ADAMTS20: variants seen among roughly 807,000 people sequenced by gnomAD.
ADAMTS20 encodes the protein A disintegrin and metalloproteinase with thrombospondin motifs 20.
In ADAMTS20, 225 loss-of-function variants were observed where a neutral mutation model predicts 260.1. The ratio of observed to expected loss-of-function variants is 0.87; its 90% CI spans 0.78 to 0.97. ADAMTS20 has a LOEUF of 0.97. Ranked by LOEUF, ADAMTS20 falls within the 50% of genes least tolerant of loss-of-function variation. The pLI, the probability that ADAMTS20 is intolerant of heterozygous loss-of-function variation, is 0.00. For missense variants in ADAMTS20, 2,400 were observed against 2,337.7 expected, an observed-to-expected ratio of 1.03 and a Z score of -0.55; for synonymous variants, 802 against 769.5, an observed-to-expected ratio of 1.04 and a Z score of -0.70.
At position 43,375,383 on chromosome 12, in the gene ADAMTS20, A is replaced by T. The variant is rs749597548; in HGVS notation, c.5442T>A (p.Ile1814=). The change falls in exon 36 of 39, where the codon ATT becomes ATA. Residue 1814 remains isoleucine, a synonymous_variant. Coordinates refer to ENST00000389420, the MANE Select transcript of ADAMTS20 (RefSeq NM_025003.5). ...AAATATAGATTGAGCACTTACTTTT[A>T]ATTTGCATGGAAGTGAGATCAATTC... is the stretch of plus-strand genomic sequence containing the variant. ...KIRIDLTSMQ[I]KTTDLLFSKT... 1 of 1,611,146 alleles carries T rather than the reference A, an allele frequency of 6.2e-7. No individual in the cohort carries two copies. Among genetic ancestry groups the T allele is most frequent in the Non-Finnish European group, 8.5e-7 (1 of 1,179,256 alleles).
chr12:43,440,383 A>T (rs894175478), intron 16 of ADAMTS20, among the ~76,000 whole-genome samples: 11 of 152,162 alleles, frequency 7.2e-5, no homozygotes, highest in Admixed American at 7.2e-4. Context: ...TCCTGACCTC[A>T]GGCAATCTGC....
chr12:43,487,333 T>C (rs1942537977), intron 7 of ADAMTS20, among the ~76,000 whole-genome samples: 1 of 151,388 alleles, frequency 6.6e-6, no homozygotes, highest in East Asian at 2.0e-4. Context: ...AACCAAATAC[T>C]GCATGTTCTC....
chr12:43,400,199 T>C (rs1019869794), intron 28 of ADAMTS20, among the ~76,000 whole-genome samples: 2 of 152,036 alleles, frequency 1.3e-5, no homozygotes, highest in African/African-American at 2.4e-5. Context: ...GCATGATATA[T>C]GTACCAGGGG....
At chr12:43,402,023 T>C (rs985373344) in intron 28 of ADAMTS20, among the ~76,000 whole-genome samples, 1 of 151,970 alleles carries the variant, frequency 6.6e-6, no homozygotes, top group African/African-American at 2.4e-5. Context: ...TTCAATCCCA[T>C]GTCTAGGGTA....
At chr12:43,472,748 T>G (rs1443150493) in intron 7 of ADAMTS20, among the ~76,000 whole-genome samples, 1 of 149,334 alleles carries the variant, frequency 6.7e-6, no homozygotes, top group African/African-American at 2.5e-5. Context: ...GCTTCATAAG[T>G]GAAGGAGAAA....
intron 11 of ADAMTS20, among the ~76,000 whole-genome samples, chr12:43,459,099 C>T (rs554436139): frequency 6.6e-6 from 1 of 152,294 alleles, no homozygotes; most frequent in South Asian, 2.1e-4. Context: ...TGTTTTCACT[C>T]TATTAAATCT....
intron 3 of ADAMTS20, among the ~76,000 whole-genome samples, chr12:43,518,602 A>G (rs775960388): frequency 4.6e-5 from 7 of 151,932 alleles, no homozygotes; most frequent in Non-Finnish European, 7.4e-5. Flanking sequence ...AATCATTGGT[A>G]TTCTGATTCC....
intron 37 of ADAMTS20, among the ~76,000 whole-genome samples, chr12:43,364,395 A>G (rs1017614682): frequency 6.6e-6 from 1 of 152,184 alleles, no homozygotes; most frequent in African/African-American, 2.4e-5. Flanking sequence ...ATGTCAGACT[A>G]AGCTGACAAA....
At chr12:43,429,563 T>C (rs1941399427) in intron 24 of ADAMTS20, 54 bp downstream of exon 24, 1 of 1,241,776 alleles carries the variant, frequency 8.1e-7, no homozygotes. Flanking sequence ...ATTTTGTTGA[T>C]GTCTAAAAGC....
chr12:43,522,832 C>T (rs1943090516), intron 3 of ADAMTS20, among the ~76,000 whole-genome samples: 1 of 152,138 alleles, frequency 6.6e-6, no homozygotes, highest in South Asian at 2.1e-4. Context: ...AGCCTGACAT[C>T]CACAGTGGCT....
chr12:43,493,130 T>TA (rs1240644645), intron 5 of ADAMTS20, 40 bp downstream of exon 5: 17 of 1,357,808 alleles, frequency 1.3e-5, no homozygotes, highest in Non-Finnish European at 1.7e-5. Flanking sequence ...ACTAAAAACT[T>TA]ACTACAACTA....
intron 28 of ADAMTS20, among the ~76,000 whole-genome samples, chr12:43,422,369 T>C (rs572153820): frequency 1.3e-5 from 2 of 152,102 alleles, no homozygotes; most frequent in East Asian, 3.9e-4. Flanking sequence ...AAGTTATCCA[T>C]GAAAGAATAT....
At chr12:43,477,067 A>C (rs1016226686) in intron 7 of ADAMTS20, among the ~76,000 whole-genome samples, 7 of 151,886 alleles carry the variant, frequency 4.6e-5, no homozygotes, top group South Asian at 2.1e-4. Flanking sequence ...AAAAAAAAAA[A>C]AACAATTACC....
chr12:43,523,360 C>A (rs1470670411), intron 3 of ADAMTS20, among the ~76,000 whole-genome samples: 5 of 152,124 alleles, frequency 3.3e-5, no homozygotes, highest in African/African-American at 1.2e-4. Context: ...GGAAGTTCTG[C>A]CAATTAACTC....
At chr12:43,411,814 A>G (rs1941037704) in intron 28 of ADAMTS20, among the ~76,000 whole-genome samples, 1 of 152,224 alleles carries the variant, frequency 6.6e-6, no homozygotes, top group Non-Finnish European at 1.5e-5. Flanking sequence ...AGTTTTATCC[A>G]TCATAGTTTT....
intron 3 of ADAMTS20, among the ~76,000 whole-genome samples, chr12:43,523,777 G>C (rs1277800469): frequency 6.6e-6 from 1 of 152,030 alleles, no homozygotes; most frequent in Non-Finnish European, 1.5e-5. Flanking sequence ...GACCCCCAGA[G>C]GGGTTGTTCC....
At chr12:43,494,274 G>T (rs1363642130) in intron 4 of ADAMTS20, among the ~76,000 whole-genome samples, 1 of 152,166 alleles carries the variant, frequency 6.6e-6, no homozygotes, top group African/African-American at 2.4e-5. Flanking sequence ...GTTGGCTAGA[G>T]AAGCAGATAT....
chr12:43,393,249 T>A (rs553523079), intron 29 of ADAMTS20, among the ~76,000 whole-genome samples: 1 of 152,054 alleles, frequency 6.6e-6, no homozygotes, highest in Non-Finnish European at 1.5e-5. Context: ...AGAACTAATA[T>A]AAGCATGTCA....
intron 18 of ADAMTS20, 116 bp downstream of exon 18, chr12:43,439,506 T>C: frequency 8.3e-7 from 1 of 1,197,756 alleles, no homozygotes; most frequent in South Asian, 1.8e-5. Flanking sequence ...TGTATGTCTG[T>C]GGGATATGTG....
Sources: allele counts gnomAD v4.1 joint callset (sites outside exome capture counted in the v4.1 genomes callset), GRCh38; gene constraint gnomAD v4.1.1; transcripts MANE v1.5; gene names NCBI Gene and HGNC (gene_info 2026-07-23, HGNC 2026-07-21).